Variants in DNAH14 observed in about 807,000 individuals in gnomAD.
DNAH14 encodes dynein axonemal heavy chain 14, also known as axonemal beta dynein heavy chain 14.
A neutral mutation model predicts 520.9 loss-of-function variants in DNAH14; 478 were observed. The observed-to-expected ratio is 0.92, with a 90% CI of 0.85 to 0.99. The LOEUF is 0.99. Among genes scored for constraint, DNAH14 ranks in the 50% least tolerant of loss-of-function variants. The pLI is 0.00. For synonymous variants in DNAH14, 1,581 were observed against 1,757.2 expected (o/e 0.90, Z 2.51); for missense variants, 4,831 against 5,234.5 (o/e 0.92, Z 2.38).
chr1:225,058,533 A>T (rs1379113692), intron 17 of DNAH14, among the ~76,000 whole-genome samples: 1 of 152,068 alleles, frequency 6.6e-6, no homozygotes, highest in Non-Finnish European at 1.5e-5. Flanking sequence ...TATGTCCTTC[A>T]TTTCTGCTCT....
At chr1:225,315,451 A>G (rs2094448924) in intron 60 of DNAH14, among the ~76,000 whole-genome samples, 1 of 151,980 alleles carries the variant, frequency 6.6e-6, no homozygotes, top group African/African-American at 2.4e-5. Flanking sequence ...CAACTCATCA[A>G]ACTCATTCTC....
Position 225,270,505 on chromosome 1 carries a change from T to C in DNAH14, c.7540-230T>C, listed in dbSNP as rs532541186. Among the ~76,000 whole-genome samples, 6 of 152,306 alleles carry C rather than the reference T, an allele frequency of 3.9e-5. No individual in the cohort carries two copies. In the East Asian group the frequency reaches 1.2e-3, roughly 29 times the overall value. On this transcript the variant is annotated intron_variant, in intron 49 of 85. Coordinates refer to ENST00000682510, the MANE Select transcript of DNAH14 (RefSeq NM_001367479.1). ...AAAACAGGACCATTTCCTGATGACA[T>C]TTAGAAAGCCTTCAAGAAATAATGT...
chr1:225,024,120 C>G (rs561049237), intron 11 of DNAH14: 1 of 1,035,932 alleles, frequency 9.7e-7, no homozygotes, highest in Non-Finnish European at 1.2e-6. Flanking sequence ...CAAGTATTAC[C>G]TATGTTAAAA....
At chr1:225,188,813 A>G (rs2085061846) in intron 37 of DNAH14, among the ~76,000 whole-genome samples, 1 of 151,916 alleles carries the variant, frequency 6.6e-6, no homozygotes, top group Admixed American at 6.6e-5. Context: ...TTTCTGATTG[A>G]TGAACACAGA....
At chr1:225,219,875 T>C (rs562701697) in intron 41 of DNAH14, among the ~76,000 whole-genome samples, 2 of 152,306 alleles carry the variant, frequency 1.3e-5, no homozygotes, top group South Asian at 4.1e-4. Context: ...TTCAGGCCAG[T>C]ATCCCTGATG....
At chr1:225,254,290 A>T (rs1327010844) in intron 44 of DNAH14, among the ~76,000 whole-genome samples, 2 of 152,222 alleles carry the variant, frequency 1.3e-5, no homozygotes, top group Non-Finnish European at 1.5e-5. Context: ...GTTAAAGCAG[A>T]TAGAACTTGT....
intron 35 of DNAH14, among the ~76,000 whole-genome samples, chr1:225,163,972 T>C (rs1468417446): frequency 6.6e-6 from 1 of 152,164 alleles, no homozygotes; most frequent in African/African-American, 2.4e-5. Flanking sequence ...AAATGGTCTT[T>C]TTTTAGTGTT....
chr1:225,025,960 A>G (rs982037699), intron 11 of DNAH14, among the ~76,000 whole-genome samples: 1 of 152,026 alleles, frequency 6.6e-6, no homozygotes, highest in Non-Finnish European at 1.5e-5. Context: ...TTGAGGAAAT[A>G]TCTATTCAAA....
rs1287224491 is a variant in DNAH14 at position 225,374,668 on chromosome 1, G to C, written c.12319-20G>C. The C allele has an allele frequency of 3.9e-6, 6 of 1,524,168 alleles. No homozygotes were observed. The South Asian group carries it at 7.5e-5, about 19-fold the overall frequency. The allele number at this position is 1,524,168 out of a possible 1,614,324, so 94.4% of individuals were successfully genotyped here. A position where few individuals can be genotyped will look rare whatever the true frequency, so the allele number is the denominator to read the frequency against. ...TGGAAACACATACTGAAATAATAAA[G>C]ACTCATGGGTTTTCCAAAGGTTGCC... On this transcript the variant is annotated intron_variant, in intron 77 of 85. Transcript: ENST00000682510.
At chr1:225,083,218 AT>A (rs1363207130) in intron 20 of DNAH14, among the ~76,000 whole-genome samples, 14 of 151,952 alleles carry the variant, frequency 9.2e-5, no homozygotes, top group Non-Finnish European at 2.9e-5. Context: ...ACTTTTTTCA[AT>A]TTTTCCATGA....
intron 34 of DNAH14, among the ~76,000 whole-genome samples, chr1:225,156,523 T>C (rs958201178): frequency 4.6e-5 from 7 of 152,090 alleles, no homozygotes; most frequent in African/African-American, 1.7e-4. Context: ...AAATAGTCAC[T>C]AAAGTAACAT....
In DNAH14 at chr1:225,207,073, A is replaced by G; in HGVS notation, c.6292A>G (p.Asn2098Asp). The G allele has an allele frequency of 6.4e-7, 1 of 1,550,958 alleles. No homozygotes were observed. The highest frequency in any genetic ancestry group is 8.7e-7 in the Non-Finnish European group (1 of 1,146,628). ...GGATTGTCTTGAATTCATGATTAAA[A>G]ATAGTGTCACAGACGGACTACAATT... ...GVDCLEFMIK[N>D]SVTDGLQFIR... The change falls in exon 41 of 86, where the codon AAT (asparagine) becomes GAT (aspartate). Residue 2098 changes from asparagine (N) to aspartate (D), a missense_variant. Coordinates refer to ENST00000682510, the MANE Select transcript of DNAH14 (RefSeq NM_001367479.1).
At chr1:225,115,307 C>T (rs963576287) in intron 23 of DNAH14, among the ~76,000 whole-genome samples, 1 of 152,022 alleles carries the variant, frequency 6.6e-6, no homozygotes, top group African/African-American at 2.4e-5. Flanking sequence ...TTTATTAGCA[C>T]CATTAAGTTG....
chr1:224,945,644 A>G (rs375309006), intron 1 of DNAH14, among the ~76,000 whole-genome samples: 272 of 152,342 alleles, frequency 1.8e-3, no homozygotes, highest in Non-Finnish European at 2.5e-3. Flanking sequence ...GTCTTTGATG[A>G]TGGTGACGTA....
At chr1:225,086,308 A>AT (rs5781396) in intron 21 of DNAH14, among the ~76,000 whole-genome samples, 111,432 of 150,802 alleles carry the variant, frequency 0.74, 44,024 homozygotes, top group Non-Finnish European at 0.88. Flanking sequence ...AATTGTTTGT[A>AT]TTTTTTTAGT....
chr1:225,049,773 C>CTATCTATCTATCTAT, intron 15 of DNAH14, among the ~76,000 whole-genome samples: 1 of 143,020 alleles, frequency 7.0e-6, no homozygotes, highest in Middle Eastern at 3.6e-3. Flanking sequence ...TATCTATCTA[C>CTATCTATCTATCTAT]CTATCTATCT....
chr1:225,374,828 C>G lies in DNAH14; in HGVS notation c.12459C>G (p.Leu4153=). 1 of 1,551,474 alleles carries G rather than the reference C, an allele frequency of 6.4e-7. No homozygotes were observed. Among genetic ancestry groups the G allele is most frequent in the East Asian group, 2.4e-5 (1 of 40,908 alleles). ...ACAAGCGATGCTTGAAGACCCTACT[C>G]TACAAATTTTGTAATCCTGAAGTGC... is the stretch of plus-strand genomic sequence containing the variant. ...NWDKRCLKTL[L]YKFCNPEVLK... The change falls in exon 78 of 86, where the codon CTC becomes CTG. Residue 4153 remains leucine, a synonymous_variant. Coordinates refer to ENST00000682510, the MANE Select transcript of DNAH14 (RefSeq NM_001367479.1).
rs2092847623 is a variant in DNAH14 at position 225,259,242 on chromosome 1, A to T, written c.7146A>T (p.Ile2382=). 7 of 1,486,514 alleles carry T rather than the reference A, an allele frequency of 4.7e-6. No homozygotes were observed. The highest frequency in any genetic ancestry group is 5.2e-5 in the East Asian group (2 of 38,460). 92.1% of individuals were successfully genotyped at this position (1,486,514 alleles called of 1,614,324 possible). A position where few individuals can be genotyped will look rare whatever the true frequency, so the allele number is the denominator to read the frequency against. ...ILGDTLLYSE[I]KKSSSLKQNI... ...GAGACACCCTATTATATAGTGAAAT[A>T]AAAAAATCAAGGTTGTATATACTAA... The change falls in exon 46 of 86, where the codon ATA becomes ATT. Residue 2382 remains isoleucine, a synonymous_variant. Transcript: ENST00000682510.
intron 28 of DNAH14, among the ~76,000 whole-genome samples, chr1:225,142,361 C>T (rs1269392666): frequency 1.3e-5 from 2 of 152,126 alleles, no homozygotes. Context: ...ATATTTTAAC[C>T]TTTTGAGGGA....
Sources: gnomAD v4.1 joint callset for allele counts (sites outside exome capture counted in the v4.1 genomes callset) on GRCh38, gnomAD v4.1.1 for gene constraint, MANE v1.5 for transcripts, NCBI Gene and HGNC (gene_info 2026-07-23, HGNC 2026-07-21) for gene names.